Variants in BTBD9 observed in about 807,000 individuals in gnomAD.
The protein encoded by BTBD9 is BTB domain containing 9.
BTBD9 carries 49 observed loss-of-function variants against 64.3 expected under a neutral mutation model. That is an observed-to-expected ratio of 0.76 (90% CI 0.61 to 0.97). The LOEUF (loss-of-function observed/expected upper bound fraction) is 0.97. BTBD9 is among the 50% of genes least tolerant of loss of function. BTBD9 has a pLI of 0.00. For missense variants in BTBD9, 598 were observed against 762.1 expected (o/e 0.78, Z 2.53); for synonymous variants, 260 against 274.7 (o/e 0.95, Z 0.53).
intron 6 of BTBD9, among the ~76,000 whole-genome samples, chr6:38,515,215 C>T (rs941331260): frequency 6.6e-6 from 1 of 152,246 alleles, no homozygotes; most frequent in Admixed American, 6.5e-5. Flanking sequence ...CTGTTAAATC[C>T]ATTAGATCGA....
chr6:38,622,150 T>C (rs566769310), intron 1 of BTBD9, among the ~76,000 whole-genome samples: 88 of 152,324 alleles, frequency 5.8e-4, no homozygotes, highest in South Asian at 2.5e-3. Flanking sequence ...ATCTGACAAG[T>C]AGTCAAAGCC....
At chr6:38,251,806 C>T (rs986248560) in intron 9 of BTBD9, among the ~76,000 whole-genome samples, 1 of 150,884 alleles carries the variant, frequency 6.6e-6, no homozygotes, top group Non-Finnish European at 1.5e-5. Flanking sequence ...GCCGGAGAAT[C>T]ACTTGAACCC....
At position 38,259,610 on chromosome 6, in the gene BTBD9, G is replaced by A. The variant is rs377126724; in HGVS notation, c.1455-3094C>T. Among the ~76,000 whole-genome samples, 117 of 152,218 alleles carry A rather than the reference G, an allele frequency of 7.7e-4. 2 individuals are homozygous for A. In the South Asian group the frequency reaches 0.023, roughly 30 times the overall value. On this transcript the variant is annotated intron_variant, in intron 8 of 10. Coordinates refer to ENST00000481247, the MANE Select transcript of BTBD9 (RefSeq NM_001099272.2). ...ACAAAAGATTATTTTGTAGAGATAGGGTCTCACTGTGTTGGCCAGGCGGGG... is the reference window on the plus strand; with the variant it reads ...ACAAAAGATTATTTTGTAGAGATAGAGTCTCACTGTGTTGGCCAGGCGGGG...
chr6:38,194,968 T>C (rs773036007), intron 9 of BTBD9, among the ~76,000 whole-genome samples: 5 of 152,190 alleles, frequency 3.3e-5, no homozygotes, highest in Admixed American at 1.3e-4. Context: ...TACACTGCAT[T>C]AATGTCTAAT....
intron 9 of BTBD9, among the ~76,000 whole-genome samples, chr6:38,206,164 G>C (rs766790128): frequency 9.2e-5 from 14 of 151,750 alleles, no homozygotes; most frequent in Middle Eastern, 3.4e-3. Flanking sequence ...TGTGGGGGAA[G>C]AATCAGTGAT....
chr6:38,216,540 A>G (rs1199043716), intron 9 of BTBD9, among the ~76,000 whole-genome samples: 2 of 152,208 alleles, frequency 1.3e-5, no homozygotes, highest in Non-Finnish European at 2.9e-5. Context: ...GATTTTCTGC[A>G]TGTATAATGG....
chr6:38,549,812 C>A (rs1390016265), intron 6 of BTBD9, among the ~76,000 whole-genome samples: 1 of 152,144 alleles, frequency 6.6e-6, no homozygotes, highest in African/African-American at 2.4e-5. Context: ...TCCCACCACT[C>A]CTCTAAAACT....
intron 6 of BTBD9, among the ~76,000 whole-genome samples, chr6:38,452,959 T>C (rs1769624322): frequency 6.6e-6 from 1 of 152,174 alleles, no homozygotes; most frequent in South Asian, 2.1e-4. Context: ...GTTTTCCTTG[T>C]ATGCAATCCC....
chr6:38,254,939 G>A (rs964115389), intron 9 of BTBD9, among the ~76,000 whole-genome samples: 16 of 152,096 alleles, frequency 1.1e-4, no homozygotes, highest in African/African-American at 3.9e-4. Context: ...GAAAATATAT[G>A]TTCACATAAA....
intron 6 of BTBD9, among the ~76,000 whole-genome samples, chr6:38,350,903 C>T (rs1764477747): frequency 6.6e-6 from 1 of 152,206 alleles, no homozygotes; most frequent in African/African-American, 2.4e-5. Flanking sequence ...TAAGATTATA[C>T]ACAAATAATT....
In BTBD9 at chr6:38,581,249, T is replaced by C. The variant is rs928057556; in HGVS notation, c.815-812A>G. On this transcript the variant is annotated intron_variant, in intron 4 of 10. Transcript: ENST00000481247. The stretch of plus-strand genomic sequence containing the variant: ...CATGTAAGATGACCTGTACCTGCCA[T>C]CTGGACTGAGGACAATGTATAAAAG... 2.6e-5 allele frequency among the ~76,000 whole-genome samples: 4 copies of C among 152,302 alleles called. No homozygotes were observed. In the East Asian group the frequency reaches 7.7e-4, roughly 29 times the overall value.
chr6:38,635,062 C>T (rs1405229640), intron 1 of BTBD9, among the ~76,000 whole-genome samples: 3 of 152,188 alleles, frequency 2.0e-5, no homozygotes, highest in Non-Finnish European at 4.4e-5. Flanking sequence ...AAGCCCCAGT[C>T]CACACCTACT....
At chr6:38,435,104 G>A (rs1317720022) in intron 6 of BTBD9, among the ~76,000 whole-genome samples, 1 of 144,372 alleles carries the variant, frequency 6.9e-6, no homozygotes, top group African/African-American at 2.6e-5. Context: ...TGAAGCAGGA[G>A]AATAGCTTGA....
intron 6 of BTBD9, among the ~76,000 whole-genome samples, chr6:38,561,308 G>C (rs1775251915): frequency 6.8e-6 from 1 of 147,932 alleles, no homozygotes; most frequent in South Asian, 2.1e-4. Context: ...ACAGATGCTG[G>C]AGAGGCTGCG....
At chr6:38,620,171 C>T (rs564887851) in intron 1 of BTBD9, among the ~76,000 whole-genome samples, 4 of 152,302 alleles carry the variant, frequency 2.6e-5, no homozygotes, top group Admixed American at 6.5e-5. Context: ...CTGCAATACC[C>T]GAATTCTAGG....
intron 7 of BTBD9, among the ~76,000 whole-genome samples, chr6:38,318,496 G>A (rs1763109062): frequency 6.6e-6 from 1 of 152,220 alleles, no homozygotes; most frequent in Admixed American, 6.5e-5. Context: ...CCCAAGCTCA[G>A]TAATGCTGTA....
chr6:38,591,852 A>G (rs1776805458), intron 4 of BTBD9, among the ~76,000 whole-genome samples: 1 of 152,134 alleles, frequency 6.6e-6, no homozygotes, highest in Admixed American at 6.6e-5. Context: ...TTATGTATGT[A>G]TGTTACATAA....
At chr6:38,304,863 C>T (rs912184989) in intron 7 of BTBD9, among the ~76,000 whole-genome samples, 1 of 152,152 alleles carries the variant, frequency 6.6e-6, no homozygotes, top group South Asian at 2.1e-4. Context: ...TTCTGTAAAT[C>T]ACCAAGATGA....
Position 38,175,075 on chromosome 6 carries a change from G to T in BTBD9, c.1749C>A (p.Leu583=). The T allele has an allele frequency of 6.2e-7, 1 of 1,614,228 alleles. No homozygotes were observed. Among genetic ancestry groups the T allele is most frequent in the Non-Finnish European group, 8.5e-7 (1 of 1,180,044 alleles). ...TGDTSLAGQQ[L]DSHALRAPSG... ...TAGGCGCCCGCAGCGCATGGGAGTC[G>T]AGCTGCTGACCGGCCAGGCTGGTGT... Residue 583 remains leucine, a synonymous_variant, in exon 11 of 11, where the codon CTC becomes CTA. Transcript: ENST00000481247.
Sources: allele counts gnomAD v4.1 joint callset (sites outside exome capture counted in the v4.1 genomes callset), GRCh38; gene constraint gnomAD v4.1.1; transcripts MANE v1.5; gene names NCBI Gene and HGNC (gene_info 2026-07-23, HGNC 2026-07-21).